Variants in CAPN2 observed in about 807,000 individuals in gnomAD.
CAPN2 encodes the protein calpain-2 catalytic subunit.
CAPN2 carries 92 observed loss-of-function variants against 102.3 expected under a neutral mutation model. The ratio of observed to expected loss-of-function variants is 0.90; its 90% CI spans 0.76 to 1.07. CAPN2 has a LOEUF of 1.07. Among genes scored for constraint, CAPN2 ranks in the 50% least tolerant of loss-of-function variants. The pLI, the probability that CAPN2 is intolerant of heterozygous loss-of-function variation, is 0.00. For synonymous variants in CAPN2, 340 were observed against 355.4 expected (o/e 0.96, Z 0.49); for missense variants, 800 against 909.4 (o/e 0.88, Z 1.55).
In CAPN2 at chr1:223,755,412, C is replaced by G; in HGVS notation, c.1136-68C>G. 1.3e-6 allele frequency: 2 copies of G among 1,554,594 alleles called. No homozygotes were observed. The highest frequency in any genetic ancestry group is 1.8e-6 in the Non-Finnish European group (2 of 1,135,256). On this transcript the variant is annotated intron_variant, in intron 9 of 20. Transcript: ENST00000295006. The surrounding 1 kb of genome is among the most constrained non-coding windows in gnomAD (Gnocchi z 4.1). ...TCTCAGAAGCCTCCAAGCCTGAGAC[C>G]AGGGCCACCCCCCACCCCCATGCAT...
At chr1:223,713,059 G>A (rs527462808) in intron 1 of CAPN2, among the ~76,000 whole-genome samples, 182 bp downstream of exon 1, 1 of 152,216 alleles carries the variant, frequency 6.6e-6, no homozygotes, top group African/African-American at 2.4e-5. Flanking sequence ...GTTCGAGCGT[G>A]GGGGGACTCC....
intron 2 of CAPN2, among the ~76,000 whole-genome samples, chr1:223,739,082 G>A (rs527922659): frequency 5.9e-5 from 9 of 152,160 alleles, no homozygotes; most frequent in Admixed American, 2.0e-4. Context: ...AGCTCACCAC[G>A]ATCCAGGCAC....
chr1:223,751,072 G>C, intron 7 of CAPN2, 97 bp downstream of exon 7: 1 of 1,091,014 alleles, frequency 9.2e-7, no homozygotes, highest in Middle Eastern at 2.6e-4. Flanking sequence ...GCATTATTCT[G>C]AGAAATATAG....
chr1:223,735,781 C>CT (rs1365143560), intron 2 of CAPN2, among the ~76,000 whole-genome samples: 1 of 76,790 alleles, frequency 1.3e-5, no homozygotes, highest in Non-Finnish European at 3.5e-5. Flanking sequence ...TGGGACGTTT[C>CT]TTTTCTTTTT....
At chr1:223,749,206 C>A in intron 6 of CAPN2, 84 bp downstream of exon 6, 1 of 1,223,238 alleles carries the variant, frequency 8.2e-7, no homozygotes, top group East Asian at 2.4e-5. Flanking sequence ...CCCAGGGGCC[C>A]GCGCGGCCCC....
At position 223,742,498 on chromosome 1, in the gene CAPN2, G is replaced by GTATA. The variant is rs1553254399; in HGVS notation, c.308-1584_308-1581dup. On this transcript the variant is annotated intron_variant, in intron 2 of 20. Coordinates refer to ENST00000295006, the MANE Select transcript of CAPN2 (RefSeq NM_001748.5). ...TATTACATATTTTATATATATGTGT[G>GTATA]TATATATATATATATATATATTTTT... 6.8e-4 allele frequency among the ~76,000 whole-genome samples: 87 copies of GTATA among 127,262 alleles called. 1 individual carries two copies. The highest frequency in any genetic ancestry group is 1.9e-3 in the African/African-American group (63 of 32,768). The allele number at this position is 127,262 out of a possible 152,430, so 83.5% of individuals were successfully genotyped here. A position where few individuals can be genotyped will look rare whatever the true frequency, so the allele number is the denominator to read the frequency against.
At chr1:223,721,365 T>C (rs1660047929) in intron 2 of CAPN2, among the ~76,000 whole-genome samples, 1 of 152,204 alleles carries the variant, frequency 6.6e-6, no homozygotes, top group African/African-American at 2.4e-5. Context: ...ACTCCAAGGC[T>C]GAGCTGCTCC....
Sources: gnomAD v4.1 joint callset for allele counts (sites outside exome capture counted in the v4.1 genomes callset) on GRCh38, gnomAD v4.1.1 for gene constraint, Gnocchi (gnomAD v3.1) non-coding constraint, MANE v1.5 for transcripts, NCBI Gene and HGNC (gene_info 2026-07-23, HGNC 2026-07-21) for gene names.